Variants in IP6K1 observed in about 807,000 individuals in gnomAD.
IP6K1 encodes the protein ATP:1D-myo-inositol-hexakisphosphate phosphotransferase.
Under a neutral mutation model 38.3 loss-of-function variants are expected in IP6K1, and 13 were observed. That is an observed-to-expected ratio of 0.34 (90% confidence interval 0.22 to 0.54). IP6K1 has a LOEUF of 0.54. Ranked by LOEUF, IP6K1 falls within the 20% of genes least tolerant of loss-of-function variation. IP6K1 has a pLI of 0.92. For missense variants in IP6K1, 397 were observed against 599.8 expected (o/e 0.66, Z 3.53); for synonymous variants, 212 against 229.9 (o/e 0.92, Z 0.70).
rs374134120 is a variant in IP6K1 at position 49,727,773 on chromosome 3, T to TCTA, written c.793-121_793-119dup. On this transcript the variant is annotated intron_variant, in intron 5 of 5. Transcript: ENST00000321599. This position sits in a 1 kb window ranked among gnomAD's most constrained non-coding sequence, Gnocchi z 5.9. ...CAACCTGAGCTTTTCTGCTCACCTA[T>TCTA]CTAAGTGGAACCAGGCAGGCCACAT... 1 of 1,053,632 alleles carries TCTA rather than the reference T, an allele frequency of 9.5e-7. No individual in the cohort carries two copies. The allele number at this position is 1,053,632 out of a possible 1,614,324, so 65.3% of individuals were successfully genotyped here.
At chr3:49,780,830 C>A (rs1242872398) in intron 1 of IP6K1, among the ~76,000 whole-genome samples, 1 of 152,170 alleles carries the variant, frequency 6.6e-6, no homozygotes, top group Non-Finnish European at 1.5e-5. Flanking sequence ...CACTTCAAGG[C>A]AAGGCAGGGT....
chr3:49,784,360 C>T (rs1268628382), intron 1 of IP6K1, among the ~76,000 whole-genome samples: 3 of 152,102 alleles, frequency 2.0e-5, no homozygotes, highest in South Asian at 2.1e-4. Context: ...GTAGGCTAGG[C>T]GCGTGACCAG....
chr3:49,759,699 C>A (rs563783767), intron 1 of IP6K1, among the ~76,000 whole-genome samples: 121 of 150,906 alleles, frequency 8.0e-4, no homozygotes, highest in African/African-American at 2.5e-3. Flanking sequence ...ACAACAACAA[C>A]AAAAAACGAC....
chr3:49,728,818 G>T (rs1020888780), intron 4 of IP6K1, among the ~76,000 whole-genome samples: 1 of 151,960 alleles, frequency 6.6e-6, no homozygotes, highest in Non-Finnish European at 1.5e-5. Context: ...CTTGTGATTC[G>T]CCTGCCTCAG....
intron 1 of IP6K1, among the ~76,000 whole-genome samples, chr3:49,774,451 T>G (rs1287003581): frequency 6.6e-6 from 1 of 150,588 alleles, no homozygotes; most frequent in African/African-American, 2.4e-5. Context: ...TTTAAGTACT[T>G]ACATGATCAA....
chr3:49,773,762 A>G (rs1375757785), intron 1 of IP6K1, among the ~76,000 whole-genome samples: 1 of 152,202 alleles, frequency 6.6e-6, no homozygotes, highest in African/African-American at 2.4e-5. Flanking sequence ...TAAAGTACCA[A>G]AAACAGTAAA....
At chr3:49,732,475 C>T (rs979067063) in intron 4 of IP6K1, among the ~76,000 whole-genome samples, 1 of 152,146 alleles carries the variant, frequency 6.6e-6, no homozygotes, top group Non-Finnish European at 1.5e-5. Flanking sequence ...AATTAACTGC[C>T]TTAGTCACAG....
chr3:49,775,632 C>A, intron 1 of IP6K1: 1 of 826,898 alleles, frequency 1.2e-6, no homozygotes, highest in Non-Finnish European at 1.8e-6. Flanking sequence ...GTGGCCCCTT[C>A]CTCCCCACAA....
intron 1 of IP6K1, among the ~76,000 whole-genome samples, chr3:49,764,400 A>T (rs1189454271): frequency 1.3e-5 from 2 of 152,018 alleles, no homozygotes; most frequent in Non-Finnish European, 2.9e-5. Flanking sequence ...GAAAAATTTT[A>T]AAATATATAC....
intron 1 of IP6K1, among the ~76,000 whole-genome samples, chr3:49,749,600 C>T (rs540183045): frequency 4.6e-5 from 7 of 151,886 alleles, no homozygotes; most frequent in Non-Finnish European, 8.8e-5. Context: ...AAATGGGGTA[C>T]AAAATACCAC....
At chr3:49,781,687 A>G (rs1412382528) in intron 1 of IP6K1, among the ~76,000 whole-genome samples, 3 of 152,160 alleles carry the variant, frequency 2.0e-5, no homozygotes, top group Non-Finnish European at 4.4e-5. Flanking sequence ...CAGCTGGACT[A>G]TATCACCTTA....
At chr3:49,778,127 C>T (rs1321523381) in intron 1 of IP6K1, among the ~76,000 whole-genome samples, 1 of 150,490 alleles carries the variant, frequency 6.6e-6, no homozygotes, top group Admixed American at 6.6e-5. Flanking sequence ...AGATCGAGAC[C>T]ATCCTGGCCA....
At chr3:49,785,217 G>A (rs1396125890) in intron 1 of IP6K1, among the ~76,000 whole-genome samples, 1 of 152,108 alleles carries the variant, frequency 6.6e-6, no homozygotes, top group African/African-American at 2.4e-5. Context: ...ACTGTTAAAA[G>A]TTAATTTGCG....
chr3:49,732,174 C>A (rs2108223764), intron 4 of IP6K1, among the ~76,000 whole-genome samples: 1 of 152,266 alleles, frequency 6.6e-6, no homozygotes, highest in East Asian at 1.9e-4. Flanking sequence ...AAGTGATCCT[C>A]CTGCCTCAGC....
intron 1 of IP6K1, among the ~76,000 whole-genome samples, chr3:49,751,797 T>C (rs1043984712): frequency 6.6e-6 from 1 of 152,198 alleles, no homozygotes; most frequent in African/African-American, 2.4e-5. Flanking sequence ...ACGCTATGTA[T>C]GAAAAGAACT....
intron 1 of IP6K1, among the ~76,000 whole-genome samples, chr3:49,778,671 G>A (rs1358507335): frequency 6.6e-6 from 1 of 152,066 alleles, no homozygotes; most frequent in Admixed American, 6.5e-5. Context: ...TGTCACCCAG[G>A]CTGGAGTGCA....
At chr3:49,750,781 A>C (rs1328047548) in intron 1 of IP6K1, among the ~76,000 whole-genome samples, 2 of 152,120 alleles carry the variant, frequency 1.3e-5, no homozygotes, top group East Asian at 1.9e-4. Context: ...CACAGGACTG[A>C]GGGCAGAGTC....
At chr3:49,767,591 TAATAATAAC>T (rs1308615830) in intron 1 of IP6K1, among the ~76,000 whole-genome samples, 3 of 151,056 alleles carry the variant, frequency 2.0e-5, no homozygotes, top group African/African-American at 7.3e-5. Context: ...AAAATAATAA[TAATAATAAC>T]AACAACTTAA....
chr3:49,735,646 A>G (rs1167211544), intron 3 of IP6K1, among the ~76,000 whole-genome samples: 1 of 152,172 alleles, frequency 6.6e-6, no homozygotes, highest in Non-Finnish European at 1.5e-5. Flanking sequence ...AGACTGGCCA[A>G]AGAGGATCTG....
Sources: allele counts gnomAD v4.1 joint callset (sites outside exome capture counted in the v4.1 genomes callset), GRCh38; gene constraint gnomAD v4.1.1; non-coding constraint Gnocchi (gnomAD v3.1); transcripts MANE v1.5; gene names NCBI Gene and HGNC (gene_info 2026-07-23, HGNC 2026-07-21).